Variants in ROBO2 observed in about 807,000 individuals in gnomAD.
The protein encoded by ROBO2 is roundabout guidance receptor 2.
Under a neutral mutation model 160.8 loss-of-function variants are expected in ROBO2, and 53 were observed. The observed-to-expected ratio is 0.33, with a 90% CI of 0.26 to 0.41. ROBO2 has a LOEUF of 0.41. Ranked by LOEUF, ROBO2 falls within the 10% of genes least tolerant of loss-of-function variation. The probability of loss-of-function intolerance (pLI) is 1.00; values close to 1 mark genes in which losing one functional copy is unlikely to be tolerated. For missense variants in ROBO2, 1,577 were observed against 1,722.4 expected (o/e 0.92, Z 1.49); for synonymous variants, 664 against 611.7 (o/e 1.09, Z -1.26).
chr3:77,300,496 A>C (rs2062560423), intron 2 of ROBO2, among the ~76,000 whole-genome samples: 1 of 151,990 alleles, frequency 6.6e-6, no homozygotes, highest in Non-Finnish European at 1.5e-5. Flanking sequence ...TGAAGAGGTT[A>C]TTTTTATATC....
intron 2 of ROBO2, among the ~76,000 whole-genome samples, chr3:76,391,819 CT>C (rs1289635219): frequency 6.6e-6 from 1 of 152,138 alleles, no homozygotes; most frequent in Non-Finnish European, 1.5e-5. Context: ...GATGTTGTTA[CT>C]TTCTATTTTA....
intron 2 of ROBO2, among the ~76,000 whole-genome samples, chr3:76,664,584 C>G (rs1260848099): frequency 6.6e-6 from 1 of 152,090 alleles, no homozygotes; most frequent in Non-Finnish European, 1.5e-5. Flanking sequence ...CTTTGTTATG[C>G]GTTTGGAAAA....
At chr3:77,220,047 G>C (rs543332853) in intron 2 of ROBO2, among the ~76,000 whole-genome samples, 1 of 152,052 alleles carries the variant, frequency 6.6e-6, no homozygotes, top group East Asian at 2.0e-4. Flanking sequence ...GTCTCACTCT[G>C]TTGCCCAGGC....
intron 2 of ROBO2, among the ~76,000 whole-genome samples, chr3:76,800,466 A>C (rs1369146059): frequency 1.3e-5 from 2 of 152,200 alleles, no homozygotes; most frequent in Non-Finnish European, 1.5e-5. Flanking sequence ...TTTGGAAACT[A>C]TCCATCTGAC....
intron 2 of ROBO2, among the ~76,000 whole-genome samples, chr3:76,611,253 G>A (rs1578524074): frequency 6.6e-6 from 1 of 152,138 alleles, no homozygotes; most frequent in Non-Finnish European, 1.5e-5. Flanking sequence ...ATTTCACTGA[G>A]GACCCATCCC....
chr3:76,603,341 AAAAAAAAAAAATATATATATATAT>A (rs1194721073), intron 2 of ROBO2, among the ~76,000 whole-genome samples: 1 of 55,452 alleles, frequency 1.8e-5, no homozygotes, highest in African/African-American at 7.0e-5. Flanking sequence ...CCAAAAAAAA[AAAAAAAAAAAATATATATATATAT>A]ATATATATAT....
At chr3:76,407,813 A>G (rs1029249424) in intron 2 of ROBO2, among the ~76,000 whole-genome samples, 1 of 152,118 alleles carries the variant, frequency 6.6e-6, no homozygotes, top group East Asian at 1.9e-4. Flanking sequence ...GAAAGAAACC[A>G]TGATGCAGAA....
intron 2 of ROBO2, among the ~76,000 whole-genome samples, chr3:76,861,568 A>T (rs188570427): frequency 1.3e-5 from 2 of 152,188 alleles, no homozygotes; most frequent in Non-Finnish European, 2.9e-5. Flanking sequence ...CAGGGCCATC[A>T]TGTCTACTGT....
chr3:77,606,848 G>A (rs2094535658), intron 20 of ROBO2, among the ~76,000 whole-genome samples: 1 of 152,262 alleles, frequency 6.6e-6, no homozygotes, highest in South Asian at 2.1e-4. Context: ...ATTGCTGTAG[G>A]CTGTGGTGGG....
intron 2 of ROBO2, among the ~76,000 whole-genome samples, chr3:76,697,018 G>A (rs780827349): frequency 2.8e-4 from 42 of 152,080 alleles, no homozygotes; most frequent in South Asian, 4.1e-4. Context: ...TATAATTTGA[G>A]ATATAGCTGG....
In ROBO2 at chr3:77,182,542, A is replaced by G. The variant is rs965877558; in HGVS notation, c.388+84202A>G. ...TCGAGCCCGTTCTTTTGAATAATAC[A>G]TGAAAGAGCACTAGTCCATCCTCCT... On this transcript the variant is annotated intron_variant, in intron 2 of 25. Coordinates refer to ENST00000461745, the Ensembl canonical transcript of ROBO2. Among the ~76,000 whole-genome samples, 16 of 152,080 alleles carry G rather than the reference A, an allele frequency of 1.1e-4. 1 individual carries two copies. Among genetic ancestry groups the G allele is most frequent in the Admixed American group, 7.9e-4 (12 of 15,224 alleles).
At chr3:76,608,631 T>C (rs2087841981) in intron 2 of ROBO2, among the ~76,000 whole-genome samples, 1 of 152,186 alleles carries the variant, frequency 6.6e-6, no homozygotes, top group African/African-American at 2.4e-5. Context: ...TGGGGTATTA[T>C]TCAAGAAATC....
intron 2 of ROBO2, among the ~76,000 whole-genome samples, chr3:76,907,486 C>T (rs577791301): frequency 6.6e-5 from 10 of 152,150 alleles, no homozygotes; most frequent in African/African-American, 2.4e-4. Context: ...ATCTTTTGTT[C>T]CCCCTCTTTC....
intron 2 of ROBO2, among the ~76,000 whole-genome samples, chr3:77,363,585 T>C (rs1331548441): frequency 1.3e-5 from 2 of 151,966 alleles, no homozygotes; most frequent in East Asian, 1.9e-4. Context: ...TAGCGTAGAA[T>C]GGACAGCCGT....
intron 2 of ROBO2, among the ~76,000 whole-genome samples, chr3:77,404,573 A>G (rs2076104107): frequency 6.6e-6 from 1 of 152,184 alleles, no homozygotes. Flanking sequence ...CATTCTTTGC[A>G]TATGTTCAAC....
At chr3:77,161,172 A>G (rs1165156863) in intron 2 of ROBO2, among the ~76,000 whole-genome samples, 1 of 152,126 alleles carries the variant, frequency 6.6e-6, no homozygotes, top group African/African-American at 2.4e-5. Flanking sequence ...AGGAGGTTTT[A>G]GTTGTTTGTT....
chr3:76,592,257 G>T (rs1183316134), intron 2 of ROBO2, among the ~76,000 whole-genome samples: 1 of 152,022 alleles, frequency 6.6e-6, no homozygotes, highest in Non-Finnish European at 1.5e-5. Flanking sequence ...CCAGTTTAGG[G>T]TTGTTTTCCC....
At chr3:76,675,853 A>G (rs1242025855) in intron 2 of ROBO2, among the ~76,000 whole-genome samples, 1 of 152,168 alleles carries the variant, frequency 6.6e-6, no homozygotes, top group African/African-American at 2.4e-5. Flanking sequence ...TTGTTTCTGC[A>G]TTTATTGAAG....
At chr3:76,441,979 G>A (rs1396086597) in intron 2 of ROBO2, among the ~76,000 whole-genome samples, 1 of 152,216 alleles carries the variant, frequency 6.6e-6, no homozygotes, top group East Asian at 1.9e-4. Context: ...GAAAGAATCT[G>A]AGATCAGGAC....
Sources: gnomAD v4.1 joint callset for allele counts (sites outside exome capture counted in the v4.1 genomes callset) on GRCh38, gnomAD v4.1.1 for gene constraint, MANE v1.5 for transcripts, NCBI Gene and HGNC (gene_info 2026-07-23, HGNC 2026-07-21) for gene names.